Variants in BANK1 observed in about 807,000 individuals in gnomAD.
BANK1 encodes the protein B cell scaffold protein with ankyrin repeats 1.
A neutral mutation model predicts 94.5 loss-of-function variants in BANK1; 95 were observed. The ratio of observed to expected loss-of-function variants is 1.00; its 90% CI spans 0.85 to 1.19. The LOEUF is 1.19. Among genes scored for constraint, BANK1 ranks in the 50% most tolerant of loss-of-function variants. The probability of loss-of-function intolerance (pLI) is 0.00; values close to 1 mark genes in which losing one functional copy is unlikely to be tolerated. For synonymous variants in BANK1, 334 were observed against 308.4 expected (o/e 1.08, Z -0.87); for missense variants, 987 against 932.2 (o/e 1.06, Z -0.77).
chr4:101,968,521 T>C (rs2148922031), intron 7 of BANK1, among the ~76,000 whole-genome samples: 1 of 152,052 alleles, frequency 6.6e-6, no homozygotes, highest in East Asian at 1.9e-4. Flanking sequence ...GTCTGAAATG[T>C]GGTCTCAAAG....
intron 7 of BANK1, among the ~76,000 whole-genome samples, chr4:101,936,038 C>G (rs186986394): frequency 2.6e-5 from 4 of 151,270 alleles, no homozygotes; most frequent in African/African-American, 9.7e-5. Flanking sequence ...CACAGACAAA[C>G]AAAGCAAAAT....
At chr4:101,892,955 G>A (rs1485824195) in intron 5 of BANK1, among the ~76,000 whole-genome samples, 5 of 151,910 alleles carry the variant, frequency 3.3e-5, no homozygotes, top group Admixed American at 1.3e-4. Flanking sequence ...AGCCATTTCT[G>A]TGATTTTTCA....
At chr4:102,070,802 TA>T (rs1728731846) in intron 13 of BANK1, among the ~76,000 whole-genome samples, 1 of 152,106 alleles carries the variant, frequency 6.6e-6, no homozygotes, top group Non-Finnish European at 1.5e-5. Context: ...AAGGTTGACA[TA>T]AGGGAGAATT....
At position 101,893,864 on chromosome 4, in the gene BANK1, C is replaced by G. The variant is rs553094347; in HGVS notation, c.904-1441C>G. Among the ~76,000 whole-genome samples the G allele has an allele frequency of 1.3e-3, 191 of 152,130 alleles. 8 individuals are homozygous for G. The South Asian group carries it at 0.039, about 31-fold the overall frequency. Reference sequence around the variant, plus strand: ...CATTGAGTACAAAATGAATTGCAAACTTATCAGGTGTTCAAGGCCTTATTT... The same window carrying G: ...CATTGAGTACAAAATGAATTGCAAAGTTATCAGGTGTTCAAGGCCTTATTT... On this transcript the variant is annotated intron_variant, in intron 5 of 16. Coordinates refer to ENST00000322953, the MANE Select transcript of BANK1 (RefSeq NM_017935.5).
chr4:101,986,231 GAC>G (rs1201516741), intron 7 of BANK1, among the ~76,000 whole-genome samples: 1 of 152,054 alleles, frequency 6.6e-6, no homozygotes, highest in Non-Finnish European at 1.5e-5. Flanking sequence ...AGGCATTCAA[GAC>G]ACACATGTTC....
intron 7 of BANK1, among the ~76,000 whole-genome samples, chr4:101,918,709 A>G (rs1375949824): frequency 6.6e-6 from 1 of 151,996 alleles, no homozygotes; most frequent in African/African-American, 2.4e-5. Flanking sequence ...TGGGACAATG[A>G]TTATGCTGAT....
intron 1 of BANK1, among the ~76,000 whole-genome samples, chr4:101,800,861 G>A (rs1725335977): frequency 6.6e-6 from 1 of 152,170 alleles, no homozygotes; most frequent in Non-Finnish European, 1.5e-5. Flanking sequence ...GGGTTCAAGC[G>A]ATTCTCCTGC....
intron 1 of BANK1, among the ~76,000 whole-genome samples, chr4:101,801,480 C>A (rs1221941879): frequency 2.6e-5 from 4 of 152,126 alleles, no homozygotes; most frequent in Non-Finnish European, 5.9e-5. Flanking sequence ...TTATTTCTCT[C>A]TCATGACATA....
At position 101,988,369 on chromosome 4, in the gene BANK1, C is replaced by T. The variant is rs1207702383; in HGVS notation, c.1207-33145C>T. 2.6e-5 allele frequency among the ~76,000 whole-genome samples: 4 copies of T among 152,056 alleles called. No homozygotes were observed. In the East Asian group the frequency reaches 5.8e-4, roughly 22 times the overall value. ...GCCTATAATTTCGCTTGTAGGGATGCTCCCTGAGAAATTTGAAGTTATTCA... is the reference window on the plus strand; with the variant it reads ...GCCTATAATTTCGCTTGTAGGGATGTTCCCTGAGAAATTTGAAGTTATTCA... On this transcript the variant is annotated intron_variant, in intron 7 of 16. Transcript: ENST00000322953.
intron 6 of BANK1, among the ~76,000 whole-genome samples, chr4:101,896,211 C>T (rs977002395): frequency 6.6e-6 from 1 of 151,786 alleles, no homozygotes; most frequent in East Asian, 1.9e-4. Context: ...TTTGTTCCTG[C>T]ATAGTTTGTT....
chr4:101,891,899 A>G (rs1721892171), intron 5 of BANK1, among the ~76,000 whole-genome samples: 1 of 151,346 alleles, frequency 6.6e-6, no homozygotes, highest in South Asian at 2.1e-4. Flanking sequence ...TCTATTTTTT[A>G]TTTGTTTCAA....
At chr4:101,931,866 C>T (rs1403054861) in intron 7 of BANK1, among the ~76,000 whole-genome samples, 1 of 151,218 alleles carries the variant, frequency 6.6e-6, no homozygotes, top group East Asian at 2.0e-4. Context: ...ATGCAGAGCC[C>T]TAGAAGGCAG....
At position 101,918,154 on chromosome 4, in the gene BANK1, C is replaced by A; in HGVS notation, c.1171C>A (p.His391Asn). 6.3e-7 allele frequency: 1 copy of A among 1,588,592 alleles called. No homozygotes were observed. Among genetic ancestry groups the A allele is most frequent in the Non-Finnish European group, 8.6e-7 (1 of 1,166,596 alleles). ...DPAHIAERHG[H>N]KELKKIFEDF... The stretch of plus-strand genomic sequence containing the variant: ...CGCACATATTGCTGAAAGGCATGGT[C>A]ACAAAGAACTCAAGAAAATCTTCGA... Residue 391 changes from histidine (H) to asparagine (N), a missense_variant, in exon 7 of 17, where the codon CAC (histidine) becomes AAC (asparagine). Physicochemically the swap from His to Asn is moderately conservative, Grantham distance 68 (BLOSUM62 1). Transcript: ENST00000322953.
At chr4:101,796,873 A>T (rs1278236210) in intron 1 of BANK1, among the ~76,000 whole-genome samples, 1 of 152,190 alleles carries the variant, frequency 6.6e-6, no homozygotes, top group Non-Finnish European at 1.5e-5. Context: ...GTCACAAAAC[A>T]TATTTACTTA....
intron 1 of BANK1, among the ~76,000 whole-genome samples, chr4:101,802,917 T>G (rs1431650654): frequency 1.3e-5 from 2 of 152,200 alleles, no homozygotes; most frequent in Non-Finnish European, 1.5e-5. Context: ...GCTTTATTCC[T>G]TTAGTACTCT....
chr4:101,898,545 C>T (rs529627050), intron 6 of BANK1, among the ~76,000 whole-genome samples: 2 of 152,084 alleles, frequency 1.3e-5, no homozygotes, highest in Non-Finnish European at 2.9e-5. Context: ...AATTGAGTCT[C>T]TCTCAGAGAA....
intron 5 of BANK1, among the ~76,000 whole-genome samples, chr4:101,888,529 C>G (rs1253997834): frequency 6.6e-6 from 1 of 152,156 alleles, no homozygotes; most frequent in Admixed American, 6.5e-5. Context: ...CAGATTTTAT[C>G]CTTCTCTCCA....
chr4:101,994,992 A>C (rs936307233), intron 7 of BANK1, among the ~76,000 whole-genome samples: 1 of 152,126 alleles, frequency 6.6e-6, no homozygotes, highest in Non-Finnish European at 1.5e-5. Context: ...AGACATGTGC[A>C]GAACGTGCCA....
At chr4:101,808,279 G>T (rs1158886306) in intron 1 of BANK1, among the ~76,000 whole-genome samples, 1 of 151,888 alleles carries the variant, frequency 6.6e-6, no homozygotes, top group Non-Finnish European at 1.5e-5. Flanking sequence ...GATAAATAAG[G>T]TTCTAGTTTT....
Sources: gnomAD v4.1 joint callset for allele counts (sites outside exome capture counted in the v4.1 genomes callset) on GRCh38, gnomAD v4.1.1 for gene constraint, MANE v1.5 for transcripts, NCBI Gene and HGNC (gene_info 2026-07-23, HGNC 2026-07-21) for gene names.